MFSD8: variants seen among roughly 807,000 people sequenced by gnomAD.
The protein encoded by MFSD8 is major facilitator superfamily domain-containing protein 8.
In MFSD8, 55 loss-of-function variants were observed where a neutral mutation model predicts 66.4. The ratio of observed to expected loss-of-function variants is 0.83; its 90% CI spans 0.67 to 1.04. MFSD8 has a LOEUF of 1.04. Ranked by LOEUF, MFSD8 falls within the 50% of genes least tolerant of loss-of-function variation. The pLI, the probability that MFSD8 is intolerant of heterozygous loss-of-function variation, is 0.00. For synonymous variants in MFSD8, 202 were observed against 212.8 expected, an observed-to-expected ratio of 0.95 and a Z score of 0.44; for missense variants, 550 against 627.6, an observed-to-expected ratio of 0.88 and a Z score of 1.32.
At chr4:127,932,875 A>T (rs1244339506) in intron 8 of MFSD8, 110 bp downstream of exon 8, 22 of 877,536 alleles carry the variant, frequency 2.5e-5, no homozygotes, top group Non-Finnish European at 3.9e-5. Context: ...GGTAAGAAAA[A>T]TTTGCCTTAC....
In MFSD8 at chr4:127,963,738, G is replaced by A. The variant is rs932636232; in HGVS notation, c.62+1334C>T. On this transcript the variant is annotated intron_variant, in intron 1 of 11. Coordinates refer to ENST00000641686, the MANE Select transcript of MFSD8 (RefSeq NM_001371596.2). ...GAGCAGTAGCAAGATTTATCGCAAA[G>A]AGCGAAAAAACAAAGCTTCCACACT... is the stretch of plus-strand genomic sequence containing the variant. 1.4e-4 allele frequency among the ~76,000 whole-genome samples: 22 copies of A among 152,176 alleles called. 1 individual carries two copies. The highest frequency in any genetic ancestry group is 3.1e-4 in the Non-Finnish European group (21 of 68,028).
chr4:127,931,013 A>G (rs1238317799), intron 8 of MFSD8, among the ~76,000 whole-genome samples, 196 bp from the exon 9 acceptor site: 3 of 152,140 alleles, frequency 2.0e-5, no homozygotes, highest in Non-Finnish European at 4.4e-5. Context: ...AAGTCTGCCT[A>G]CTCATATTTT....
chr4:127,922,108 T>C (rs1346374820), intron 9 of MFSD8, 145 bp from the exon 10 acceptor site: 9 of 892,794 alleles, frequency 1.0e-5, no homozygotes, highest in East Asian at 2.6e-5. Context: ...AATTTTCCAC[T>C]AAAAATAACC....
chr4:127,920,922 C>T, intron 11 of MFSD8, 86 bp from the exon 12 acceptor site: 2 of 1,253,272 alleles, frequency 1.6e-6, no homozygotes, highest in Middle Eastern at 2.6e-4. Context: ...CAAACTACAG[C>T]AAACTTACAA....
At chr4:127,961,674 G>A (rs575205094) in intron 1 of MFSD8, among the ~76,000 whole-genome samples, 9 of 152,040 alleles carry the variant, frequency 5.9e-5, no homozygotes, top group East Asian at 1.9e-4. Context: ...AAATTAGCCC[G>A]GCGTGGTGAC....
At chr4:127,963,302 T>G (rs1347541459) in intron 1 of MFSD8, among the ~76,000 whole-genome samples, 1 of 152,222 alleles carries the variant, frequency 6.6e-6, no homozygotes, top group Admixed American at 6.5e-5. Flanking sequence ...AACCATCATT[T>G]TGAAACTGTG....
chr4:127,940,958 C>G (rs1740091844), intron 5 of MFSD8, among the ~76,000 whole-genome samples: 2 of 152,142 alleles, frequency 1.3e-5, no homozygotes, highest in Non-Finnish European at 2.9e-5. Context: ...CGAAGCTTTT[C>G]AGGCTTACAT....
chr4:127,950,263 C>A (rs1305714913), intron 2 of MFSD8, among the ~76,000 whole-genome samples: 1 of 152,166 alleles, frequency 6.6e-6, no homozygotes, highest in East Asian at 1.9e-4. Flanking sequence ...GGAAAATGAT[C>A]ATCTACAGGG....
At position 127,949,804 on chromosome 4, in the gene MFSD8, C is replaced by G; in HGVS notation, c.198G>C (p.Lys66Asn). Residue 66 changes from lysine (K) to asparagine (N), a missense_variant and splice_region_variant, in exon 3 of 12, where the codon AAG (lysine) becomes AAC (asparagine). Physicochemically the swap from Lys to Asn is moderately conservative, Grantham distance 94. Transcript: ENST00000641686. ...VMMSIWPYLQ[K>N]IDPTADTSFL... ...GAAAAATAGATTGAAATGTACAAAC[C>G]TTTTGGAGATATGGCCATATGGACA... 1.2e-6 allele frequency: 2 copies of G among 1,611,880 alleles called. No individual in the cohort carries two copies. The highest frequency in any genetic ancestry group is 1.7e-6 in the Non-Finnish European group (2 of 1,178,820).
chr4:127,950,622 G>A (rs1025760307), intron 2 of MFSD8, among the ~76,000 whole-genome samples: 5 of 152,058 alleles, frequency 3.3e-5, no homozygotes, highest in East Asian at 1.9e-4. Context: ...CCCAGGAGGC[G>A]GAGTAGGTTG....
intron 11 of MFSD8, 81 bp from the exon 12 acceptor site, chr4:127,920,917 T>C (rs1303840969): frequency 7.7e-7 from 1 of 1,296,160 alleles, no homozygotes; most frequent in Admixed American, 2.0e-5. Flanking sequence ...ATTACCAAAC[T>C]ACAGCAAACT....
intron 2 of MFSD8, among the ~76,000 whole-genome samples, chr4:127,955,828 T>G (rs1742757487): frequency 6.6e-6 from 1 of 152,046 alleles, no homozygotes; most frequent in Non-Finnish European, 1.5e-5. Flanking sequence ...ACTTAAGAAA[T>G]TTTGCACTGG....
intron 7 of MFSD8, among the ~76,000 whole-genome samples, chr4:127,937,275 C>T (rs761817813): frequency 5.9e-5 from 9 of 152,172 alleles, no homozygotes; most frequent in Non-Finnish European, 1.0e-4. Context: ...ACAGCATATT[C>T]AGCTTGATCC....
chr4:127,965,295 G>C, upstream of MFSD8: 1 of 856,062 alleles, frequency 1.2e-6, no homozygotes, highest in Non-Finnish European at 1.9e-6. Context: ...GGGTCACGCG[G>C]AAGGCCGGGC....
At chr4:127,932,201 G>A (rs1738258409) in intron 8 of MFSD8, 1 of 152,110 alleles carries the variant, frequency 6.6e-6, no homozygotes, top group Non-Finnish European at 1.5e-5. Flanking sequence ...CAGGTGAGCT[G>A]GAACTTTCAT....
In MFSD8 at chr4:127,918,681, C is replaced by A. The variant is rs1560712341; in HGVS notation, c.*1949G>T. 1 of 152,150 alleles carries A rather than the reference C, an allele frequency of 6.6e-6. No individual in the cohort carries two copies. Among genetic ancestry groups the A allele is most frequent in the Non-Finnish European group, 1.5e-5 (1 of 68,034 alleles). The allele number at this position is 152,150 out of a possible 1,614,324, so 9.4% of individuals were successfully genotyped here. On this transcript the variant is annotated 3_prime_UTR_variant, in exon 12 of 12. Transcript: ENST00000641686. ...AAAATCAAGTGGTTAAGACTGTGGA[C>A]TTTAAGGATAGACTGTTACTTAGAC...
chr4:127,951,760 C>A (rs567125664), intron 2 of MFSD8, among the ~76,000 whole-genome samples: 38 of 145,544 alleles, frequency 2.6e-4, no homozygotes, highest in Admixed American at 4.8e-4. Flanking sequence ...GACAGAGTCT[C>A]GCTATGTCAC....
chr4:127,953,862 T>G lies in MFSD8; in HGVS notation c.154+3639A>C, dbSNP rs1308897164. ...AATTGTTGAAAATATCCTTTATCAT[T>G]CACTTTTCTTTTTACCCAGTACTGA... On this transcript the variant is annotated intron_variant, in intron 2 of 11. Coordinates refer to ENST00000641686, the MANE Select transcript of MFSD8 (RefSeq NM_001371596.2). 2.6e-5 allele frequency among the ~76,000 whole-genome samples: 4 copies of G among 152,188 alleles called. No individual in the cohort carries two copies. The East Asian group carries it at 7.7e-4, about 29-fold the overall frequency.
chr4:127,940,894 T>C (rs1049321962), intron 5 of MFSD8, among the ~76,000 whole-genome samples: 4 of 152,158 alleles, frequency 2.6e-5, no homozygotes, highest in African/African-American at 7.2e-5. Flanking sequence ...TAGCATACAG[T>C]AAGCACACAA....
Sources: gnomAD v4.1 joint callset for allele counts (sites outside exome capture counted in the v4.1 genomes callset) on GRCh38, gnomAD v4.1.1 for gene constraint, MANE v1.5 for transcripts, NCBI Gene and HGNC (gene_info 2026-07-23, HGNC 2026-07-21) for gene names.